KLF8: variants seen among roughly 807,000 people sequenced by gnomAD.
The protein encoded by KLF8 is KLF transcription factor 8.
Under a neutral mutation model 18.2 loss-of-function variants are expected in KLF8, and 10 were observed. That is an observed-to-expected ratio of 0.55 (90% confidence interval 0.34 to 0.93). The LOEUF (loss-of-function observed/expected upper bound fraction) is 0.93. KLF8 is among the 40% of genes least tolerant of loss of function. The pLI is 0.02. For missense variants in KLF8, 264 were observed against 277.9 expected, an observed-to-expected ratio of 0.95 and a Z score of 0.36; for synonymous variants, 109 against 97.3, an observed-to-expected ratio of 1.12 and a Z score of -0.71.
chrX:55,939,273 C>A, the KLF8 span, among the ~76,000 whole-genome samples: 1 of 111,791 alleles, frequency 8.9e-6, no homozygotes, highest in Admixed American at 9.5e-5. Context: ...TCCTGAATAA[C>A]TACTGGGTAC....
At chrX:56,097,824 A>T in the KLF8 span, among the ~76,000 whole-genome samples, 1 of 108,027 alleles carries the variant, frequency 9.3e-6, no homozygotes, top group East Asian at 2.9e-4. Context: ...AGTGGATCTA[A>T]AAAAACCCTA....
chrX:56,041,111 G>A, the KLF8 span, among the ~76,000 whole-genome samples: 45 of 107,704 alleles, frequency 4.2e-4, no homozygotes, highest in African/African-American at 1.2e-3. Context: ...GATGACATCC[G>A]CTTTATCCTT....
chrX:55,971,749 G>T, the KLF8 span, among the ~76,000 whole-genome samples: 1 of 111,080 alleles, frequency 9.0e-6, no homozygotes, highest in Admixed American at 9.6e-5. Flanking sequence ...ATGGGAAAAA[G>T]ATTTGAATAG....
chrX:55,943,306 G>C, the KLF8 span, among the ~76,000 whole-genome samples: 9 of 110,407 alleles, frequency 8.2e-5, no homozygotes, highest in African/African-American at 3.0e-4. Context: ...GAATCATTAG[G>C]ATAGAGATGG....
rs1269133816 is a variant in KLF8 at position 56,290,342 on chromosome X, G to T, written c.*5848G>T. ...TATTATAACCATTGTTATAATGATA[G>T]TTATAGTACCTTATATTTACCCTAT... On this transcript the variant is annotated 3_prime_UTR_variant, in exon 6 of 6. Transcript: ENST00000468660. Among the ~76,000 whole-genome samples, 1 of 111,767 alleles carries T rather than the reference G, an allele frequency of 8.9e-6. No homozygotes were observed. The highest frequency in any genetic ancestry group is 2.8e-4 in the East Asian group (1 of 3,586).
At chrX:56,186,561 A>T in the KLF8 span, among the ~76,000 whole-genome samples, 1 of 111,732 alleles carries the variant, frequency 8.9e-6, no homozygotes, top group Non-Finnish European at 1.9e-5. Context: ...ACCCCAAATC[A>T]GCAGATTATA....
chrX:56,185,971 G>C, the KLF8 span, among the ~76,000 whole-genome samples: 1 of 111,629 alleles, frequency 9.0e-6, no homozygotes, highest in Non-Finnish European at 1.9e-5. Context: ...ATCAACTAAC[G>C]AGCAAAAAAA....
chrX:56,049,286 A>G, the KLF8 span, among the ~76,000 whole-genome samples: 1 of 111,518 alleles, frequency 9.0e-6, no homozygotes, highest in East Asian at 2.8e-4. Context: ...TATCCTGGCC[A>G]GAACTTCCAA....
chrX:56,089,872 A>C, the KLF8 span, among the ~76,000 whole-genome samples: 1 of 112,377 alleles, frequency 8.9e-6, no homozygotes, highest in Non-Finnish European at 1.9e-5. Context: ...ATTCAGAAAA[A>C]TTTCCTTATA....
the KLF8 span, among the ~76,000 whole-genome samples, chrX:55,948,409 A>C: frequency 5.4e-5 from 6 of 112,132 alleles, no homozygotes; most frequent in Non-Finnish European, 1.1e-4. Context: ...CCAAGTTTAT[A>C]GTTTGCCCAC....
At chrX:55,939,044 C>T in the KLF8 span, among the ~76,000 whole-genome samples, 5 of 112,008 alleles carry the variant, frequency 4.5e-5, no homozygotes, top group Non-Finnish European at 9.4e-5. Context: ...ATCTACAGAA[C>T]TCTACACCCC....
At chrX:55,908,700 G>C in the KLF8 span, 1 of 285,892 alleles carries the variant, frequency 3.5e-6, no homozygotes, top group Non-Finnish European at 6.1e-6. Context: ...GTCCGAGGGA[G>C]TGAGGACCCC....
At chrX:56,151,230 G>C in the KLF8 span, among the ~76,000 whole-genome samples, 5 of 111,262 alleles carry the variant, frequency 4.5e-5, no homozygotes, top group African/African-American at 9.8e-5. Flanking sequence ...GTAATGAGAA[G>C]GCCCATTCGA....
the KLF8 span, among the ~76,000 whole-genome samples, chrX:56,105,142 G>C: frequency 1.8e-5 from 2 of 111,589 alleles, no homozygotes; most frequent in Non-Finnish European, 3.8e-5. Flanking sequence ...CAATTATGTG[G>C]TCAATTTTGG....
At chrX:56,121,079 G>A in the KLF8 span, among the ~76,000 whole-genome samples, 3 of 107,238 alleles carry the variant, frequency 2.8e-5, no homozygotes, top group Non-Finnish European at 3.9e-5. Flanking sequence ...CCTGCTATTC[G>A]GGAGGCTGAG....
the KLF8 span, among the ~76,000 whole-genome samples, chrX:56,113,940 G>T: frequency 9.0e-6 from 1 of 111,506 alleles, no homozygotes; most frequent in African/African-American, 3.3e-5. Context: ...TGGATTGTCC[G>T]GATTCCTCAG....
upstream of KLF8, among the ~76,000 whole-genome samples, chrX:56,228,948 C>T (rs1007720815): frequency 9.0e-6 from 1 of 111,663 alleles, no homozygotes; most frequent in African/African-American, 3.3e-5. Context: ...ACTTCCCTTT[C>T]ATTCCCCAGC....
At chrX:56,158,021 G>A in the KLF8 span, among the ~76,000 whole-genome samples, 5 of 111,542 alleles carry the variant, frequency 4.5e-5, no homozygotes, top group East Asian at 8.4e-4. Context: ...TTACGGTTTT[G>A]GGTCTAACAT....
the KLF8 span, among the ~76,000 whole-genome samples, chrX:56,006,354 C>T: frequency 8.9e-6 from 1 of 112,067 alleles, no homozygotes; most frequent in Non-Finnish European, 1.9e-5. Flanking sequence ...AATCCAGGAA[C>T]AAGTCCCAGT....
Sources: gnomAD v4.1 joint callset for allele counts (sites outside exome capture counted in the v4.1 genomes callset) on GRCh38, gnomAD v4.1.1 for gene constraint, MANE v1.5 for transcripts, NCBI Gene and HGNC (gene_info 2026-07-23, HGNC 2026-07-21) for gene names.